Variants in PCDH1 observed in about 807,000 individuals in gnomAD.
PCDH1 encodes protocadherin-1.
PCDH1 carries 23 observed loss-of-function variants against 74.6 expected under a neutral mutation model. That is an observed-to-expected ratio of 0.31 (90% confidence interval 0.22 to 0.44). The LOEUF is 0.44. Ranked by LOEUF, PCDH1 falls within the 20% of genes least tolerant of loss-of-function variation. The pLI is 1.00. For missense variants in PCDH1, 1,214 were observed against 1,641.4 expected, an observed-to-expected ratio of 0.74 and a Z score of 4.50; for synonymous variants, 647 against 686.1, an observed-to-expected ratio of 0.94 and a Z score of 0.89.
At chr5:141,873,591 C>T (rs926055668) in intron 1 of PCDH1, among the ~76,000 whole-genome samples, 35 of 150,486 alleles carry the variant, frequency 2.3e-4, no homozygotes, top group Admixed American at 1.1e-3. Context: ...GGACTACAGG[C>T]GCCCGCCACC....
At position 141,865,994 on chromosome 5, in the gene PCDH1, T is replaced by A; in HGVS notation, c.904-567A>T. 1.1e-6 allele frequency: 1 copy of A among 938,240 alleles called. No individual in the cohort carries two copies. Among genetic ancestry groups the A allele is most frequent in the Non-Finnish European group, 1.3e-6 (1 of 784,376 alleles). The allele number at this position is 938,240 out of a possible 1,614,324, so 58.1% of individuals were successfully genotyped here. ...ATGTGTATGATTGTGTCAGAATGTG[T>A]GATTATGTGTGATTTTTGTGTGAGA... On this transcript the variant is annotated intron_variant, in intron 2 of 4. Coordinates refer to ENST00000287008, the MANE Select transcript of PCDH1 (RefSeq NM_032420.5). This position sits in a 1 kb window ranked among gnomAD's most constrained non-coding sequence, Gnocchi z 4.4.
intron 2 of PCDH1, chr5:141,867,475 A>C: frequency 2.4e-6 from 1 of 420,970 alleles, no homozygotes; most frequent in South Asian, 1.7e-5. Flanking sequence ...CTTACCTTGT[A>C]CTGTAAGGAT....
intron 3 of PCDH1, among the ~76,000 whole-genome samples, chr5:141,861,820 A>G (rs1752576616): frequency 6.6e-6 from 1 of 152,044 alleles, no homozygotes; most frequent in South Asian, 2.1e-4. Flanking sequence ...AGGCACAACC[A>G]GAGACAGGGC....
Position 141,868,881 on chromosome 5 carries a change from A to T in PCDH1, c.591T>A (p.Ala197=), listed in dbSNP as rs751058640. The T allele has an allele frequency of 6.2e-7, 1 of 1,614,262 alleles. No homozygotes were observed. Among genetic ancestry groups the T allele is most frequent in the Admixed American group, 1.7e-5 (1 of 60,032 alleles). ...CATAGGATGCCACACCGTTGGGACC[A>T]GCATCACGGTCTGAAGCCAGCGGGA... ...FPIPLASDRD[A]GPNGVASYEL... The change falls in exon 2 of 5, where the codon GCT becomes GCA. Residue 197 remains alanine (A), a synonymous_variant. Coordinates refer to ENST00000287008, the MANE Select transcript of PCDH1 (RefSeq NM_032420.5). The surrounding 1 kb of genome is among the most constrained non-coding windows in gnomAD (Gnocchi z 4.8).
chr5:141,875,363 C>G (rs894540368), intron 1 of PCDH1, among the ~76,000 whole-genome samples: 1 of 152,112 alleles, frequency 6.6e-6, no homozygotes, highest in African/African-American at 2.4e-5. Flanking sequence ...TCCTCACCAC[C>G]CACCATGGAC....
Position 141,858,160 on chromosome 5 carries a change from T to C in PCDH1, c.3100-689A>G, listed in dbSNP as rs556935315. ...TCCCTGGTTTGTGATGTTGCAGCAG[T>C]CTGAAGACTCCCTGCTGTCGCCCCT... On this transcript the variant is annotated intron_variant, in intron 3 of 4. Coordinates refer to ENST00000287008, the MANE Select transcript of PCDH1 (RefSeq NM_032420.5). Among the ~76,000 whole-genome samples, 277 of 152,250 alleles carry C rather than the reference T, an allele frequency of 1.8e-3. 2 individuals are homozygous for C. Among genetic ancestry groups the C allele is most frequent in the African/African-American group, 6.0e-3 (248 of 41,534 alleles).
At chr5:141,857,964 A>G (rs1220512115) in intron 3 of PCDH1, among the ~76,000 whole-genome samples, 1 of 152,190 alleles carries the variant, frequency 6.6e-6, no homozygotes, top group Non-Finnish European at 1.5e-5. Flanking sequence ...ACAGCTTCCT[A>G]AAAGAAGCAG....
intron 1 of PCDH1, among the ~76,000 whole-genome samples, chr5:141,871,805 C>T (rs983374266): frequency 1.3e-5 from 2 of 152,108 alleles, no homozygotes; most frequent in African/African-American, 4.8e-5. Flanking sequence ...TGTTATTTTG[C>T]TCTCTAGGCT....
intron 3 of PCDH1, among the ~76,000 whole-genome samples, chr5:141,862,062 G>A (rs1009965011): frequency 2.6e-5 from 4 of 152,200 alleles, no homozygotes; most frequent in African/African-American, 9.6e-5. Context: ...CCCGCTCCCT[G>A]CAGCTCAGGC....
In PCDH1 at chr5:141,865,413, G is replaced by T; in HGVS notation, c.918C>A (p.Asp306Glu). 2 of 1,613,128 alleles carry T rather than the reference G, an allele frequency of 1.2e-6. No individual in the cohort carries two copies. The highest frequency in any genetic ancestry group is 8.5e-7 in the Non-Finnish European group (1 of 1,179,896). ...GHSVIQVKAN[D>E]SDQGANAEIE... Reference sequence around the variant, plus strand: ...TTTCTGCATTGGCACCTTGGTCTGAGTCATTGGCCTTCACCTATAGGGCAG... The same window carrying T: ...TTTCTGCATTGGCACCTTGGTCTGATTCATTGGCCTTCACCTATAGGGCAG... The change falls in exon 3 of 5, where the codon GAC becomes GAA. Residue 306 changes from aspartate (D) to glutamate (E), a missense_variant. Around this residue, in one of 4 missense-constraint regions of PCDH1, gnomAD observed 836 missense variants for 1,182.2 expected, o/e 0.71. Coordinates refer to ENST00000287008, the MANE Select transcript of PCDH1 (RefSeq NM_032420.5). This position sits in a 1 kb window ranked among gnomAD's most constrained non-coding sequence, Gnocchi z 4.4.
At position 141,863,061 on chromosome 5, in the gene PCDH1, G is replaced by T; in HGVS notation, c.3099+171C>A. 2 of 1,357,260 alleles carry T rather than the reference G, an allele frequency of 1.5e-6. No homozygotes were observed. Among genetic ancestry groups the T allele is most frequent in the Non-Finnish European group, 1.9e-6 (2 of 1,051,534 alleles). 84.1% of individuals were successfully genotyped at this position (1,357,260 alleles called of 1,614,324 possible). A position where few individuals can be genotyped will look rare whatever the true frequency, so the allele number is the denominator to read the frequency against. ...CCTTAATCTTCACTCAGCCTAATCCGTGTGCCCGGTGAGGCACTAAGGCCC... is the reference window on the plus strand; with the variant it reads ...CCTTAATCTTCACTCAGCCTAATCCTTGTGCCCGGTGAGGCACTAAGGCCC... On this transcript the variant is annotated intron_variant, in intron 3 of 4. Coordinates refer to ENST00000287008, the MANE Select transcript of PCDH1 (RefSeq NM_032420.5). This position sits in a 1 kb window ranked among gnomAD's most constrained non-coding sequence, Gnocchi z 7.5.
In PCDH1 at chr5:141,853,690, G is replaced by GT. The variant is rs1752207907; in HGVS notation, c.*351dup. ...TGGTCGGCCATGAGGGAAACAATGA[G>GT]TTAGAAGTACGCTGCCCACCCTTGA... is the stretch of plus-strand genomic sequence containing the variant. On this transcript the variant is annotated 3_prime_UTR_variant, in exon 5 of 5. Coordinates refer to ENST00000287008, the MANE Select transcript of PCDH1 (RefSeq NM_032420.5). 4.7e-6 allele frequency: 1 copy of GT among 213,644 alleles called. No homozygotes were observed. The highest frequency in any genetic ancestry group is 9.2e-6 in the Non-Finnish European group (1 of 108,206). The allele number at this position is 213,644 out of a possible 1,614,324, so 13.2% of individuals were successfully genotyped here. A position where few individuals can be genotyped will look rare whatever the true frequency, so the allele number is the denominator to read the frequency against.
Position 141,864,402 on chromosome 5 carries a change from C to T in PCDH1, c.1929G>A (p.Glu643=). The T allele has an allele frequency of 6.2e-7, 1 of 1,614,094 alleles. No homozygotes were observed. The highest frequency in any genetic ancestry group is 8.5e-7 in the Non-Finnish European group (1 of 1,179,958). ...MVTVIDGDKG[E]NAQVQLSVEQ... is the part of the protein sequence containing the mutation. Reference sequence around the variant, plus strand: ...CCACTGAGAGCTGCACCTGGGCATTCTCCCCCTTGTCTCCATCAATGACAG... The same window carrying T: ...CCACTGAGAGCTGCACCTGGGCATTTTCCCCCTTGTCTCCATCAATGACAG... Residue 643 remains glutamate (E), a synonymous_variant, in exon 3 of 5, where the codon GAG becomes GAA. Transcript: ENST00000287008. This position sits in a 1 kb window ranked among gnomAD's most constrained non-coding sequence, Gnocchi z 5.9.
At position 141,868,393 on chromosome 5, in the gene PCDH1, T is replaced by C; in HGVS notation, c.903+176A>G. 1 of 1,381,890 alleles carries C rather than the reference T, an allele frequency of 7.2e-7. No homozygotes were observed. The highest frequency in any genetic ancestry group is 1.9e-5 in the South Asian group (1 of 51,530). 85.6% of individuals were successfully genotyped at this position (1,381,890 alleles called of 1,614,324 possible). On this transcript the variant is annotated intron_variant, in intron 2 of 4. Transcript: ENST00000287008. The surrounding 1 kb of genome is among the most constrained non-coding windows in gnomAD (Gnocchi z 4.8). The stretch of plus-strand genomic sequence containing the variant: ...TAAGTAGCCTGATAGAGGAAAGTAA[T>C]ATCACCTGCTGGGGTGGGGTGGGAA...
At chr5:141,856,167 G>C in intron 4 of PCDH1, 1 of 1,495,722 alleles carries the variant, frequency 6.7e-7, no homozygotes. Context: ...GGGTGGGTGA[G>C]GCTGGGTGCT....
chr5:141,870,865 T>C (rs1470253467), intron 1 of PCDH1, among the ~76,000 whole-genome samples: 2 of 152,054 alleles, frequency 1.3e-5, no homozygotes, highest in East Asian at 3.9e-4. Context: ...TTCAGTCTCC[T>C]TTCCCCACTT....
chr5:141,875,660 A>C (rs1253338267), intron 1 of PCDH1, among the ~76,000 whole-genome samples: 1 of 152,112 alleles, frequency 6.6e-6, no homozygotes, highest in Non-Finnish European at 1.5e-5. Flanking sequence ...TTCCAGCTGA[A>C]GTCCCTTTTG....
chr5:141,870,626 C>T (rs932169438), intron 1 of PCDH1, among the ~76,000 whole-genome samples: 1 of 152,102 alleles, frequency 6.6e-6, no homozygotes, highest in South Asian at 2.1e-4. Flanking sequence ...TCACACTTGC[C>T]TCTCCCAACC....
In PCDH1 at chr5:141,863,526, C is replaced by A; in HGVS notation, c.2805G>T (p.Lys935Asn). ...VEDEDEAGLQ[K>N]SLKFNLMSDA... is the part of the protein sequence containing the mutation. Reference sequence around the variant, plus strand: ...CGCTCATCAGGTTGAACTTGAGGGACTTCTGCAGCCCGGCCTCATCCTCGT... The same window carrying A: ...CGCTCATCAGGTTGAACTTGAGGGAATTCTGCAGCCCGGCCTCATCCTCGT... The change falls in exon 3 of 5, where the codon AAG (lysine) becomes AAT (asparagine). Residue 935 changes from lysine to asparagine, a missense_variant. By Grantham distance (94) the Lys-to-Asn change is moderately conservative. Around this residue, in one of 4 missense-constraint regions of PCDH1, gnomAD observed 836 missense variants for 1,182.2 expected, o/e 0.71. Coordinates refer to ENST00000287008, the MANE Select transcript of PCDH1 (RefSeq NM_032420.5). The surrounding 1 kb of genome is among the most constrained non-coding windows in gnomAD (Gnocchi z 7.5). The A allele has an allele frequency of 6.2e-7, 1 of 1,613,858 alleles. No homozygotes were observed. The highest frequency in any genetic ancestry group is 8.5e-7 in the Non-Finnish European group (1 of 1,179,856).
Sources: gnomAD v4.1 joint callset for allele counts (sites outside exome capture counted in the v4.1 genomes callset) on GRCh38, gnomAD v4.1.1 for gene constraint, gnomAD v4.1.1 regional missense constraint, Gnocchi (gnomAD v3.1) non-coding constraint, MANE v1.5 for transcripts, NCBI Gene and HGNC (gene_info 2026-07-23, HGNC 2026-07-21) for gene names.